The following ARHGEF3 variants were observed in gnomAD, a reference collection of about 807,000 sequenced individuals.
The protein encoded by ARHGEF3 is 59.8 kDA protein.
In ARHGEF3, 28 loss-of-function variants were observed where a neutral mutation model predicts 63.2. That is an observed-to-expected ratio of 0.44 (90% CI 0.33 to 0.61). ARHGEF3 has a LOEUF of 0.61. Ranked by LOEUF, ARHGEF3 falls within the 20% of genes least tolerant of loss-of-function variation. ARHGEF3 has a pLI of 0.03. For missense variants in ARHGEF3, 533 were observed against 659.3 expected, an observed-to-expected ratio of 0.81 and a Z score of 2.10; for synonymous variants, 266 against 254.2, an observed-to-expected ratio of 1.05 and a Z score of -0.44.
chr3:56,755,225 G>A (rs1478027720), intron 2 of ARHGEF3, 74 bp from the exon 3 acceptor site: 4 of 1,468,696 alleles, frequency 2.7e-6, no homozygotes, highest in East Asian at 4.5e-5. Context: ...GTTTCCTGTC[G>A]TTGACGGAAC....
At chr3:56,944,134 C>T (rs1253199874) in intron 3 of ARHGEF3, among the ~76,000 whole-genome samples, 1 of 152,168 alleles carries the variant, frequency 6.6e-6, no homozygotes, top group African/African-American at 2.4e-5. Flanking sequence ...AATCACTCCA[C>T]TGCACTCCAG....
intron 8 of ARHGEF3, among the ~76,000 whole-genome samples, chr3:56,733,554 T>G (rs1218550052): frequency 6.6e-6 from 1 of 152,082 alleles, no homozygotes. Flanking sequence ...AAAGCTAATA[T>G]TAATCTTTGC....
chr3:56,929,970 C>T (rs1207831234), intron 3 of ARHGEF3, among the ~76,000 whole-genome samples: 1 of 152,094 alleles, frequency 6.6e-6, no homozygotes, highest in African/African-American at 2.4e-5. Flanking sequence ...TCTCCCTCAC[C>T]GATGACCCTC....
intron 4 of ARHGEF3, among the ~76,000 whole-genome samples, chr3:56,873,573 G>A (rs2040498977): frequency 6.6e-6 from 1 of 152,034 alleles, no homozygotes. Context: ...CTTTTTTAAT[G>A]GCTACATAAA....
chr3:57,075,499 T>A (rs896110009), intron 1 of ARHGEF3: 1 of 143,468 alleles, frequency 7.0e-6, no homozygotes, highest in Non-Finnish European at 1.6e-5. Flanking sequence ...TCTTTTTTTT[T>A]CTTCTTTTTT....
chr3:56,728,963 T>C lies in ARHGEF3; in HGVS notation c.*307A>G, dbSNP rs1285423873. 2 of 274,836 alleles carry C rather than the reference T, an allele frequency of 7.3e-6. No homozygotes were observed. The highest frequency in any genetic ancestry group is 1.4e-5 in the Non-Finnish European group (2 of 146,194). The allele number at this position is 274,836 out of a possible 1,614,324, so 17.0% of individuals were successfully genotyped here. On this transcript the variant is annotated 3_prime_UTR_variant, in exon 10 of 10. Coordinates refer to ENST00000296315, the MANE Select transcript of ARHGEF3 (RefSeq NM_019555.3). ...AAACAATCTATGTAAAACAGTAGTT[T>C]TGAGATTCTTTTTCTATTTTTTTAA...
intron 7 of ARHGEF3, among the ~76,000 whole-genome samples, chr3:56,739,219 T>C (rs375420113): frequency 6.6e-6 from 1 of 152,274 alleles, no homozygotes; most frequent in African/African-American, 2.4e-5. Context: ...AACTGAAAAG[T>C]ACTTAACAGA....
chr3:57,043,825 G>A (rs926620334), intron 1 of ARHGEF3, among the ~76,000 whole-genome samples: 10 of 152,250 alleles, frequency 6.6e-5, no homozygotes, highest in African/African-American at 2.4e-4. Flanking sequence ...CATGACATGA[G>A]ATCATCCATG....
At chr3:56,940,452 C>T (rs1156420668) in intron 3 of ARHGEF3, 1 of 152,224 alleles carries the variant, frequency 6.6e-6, no homozygotes, top group African/African-American at 2.4e-5. Flanking sequence ...CACAAGCCTA[C>T]TGTTAACTCC....
chr3:57,002,117 G>A (rs1026860861), intron 2 of ARHGEF3, among the ~76,000 whole-genome samples: 1 of 151,378 alleles, frequency 6.6e-6, no homozygotes, highest in African/African-American at 2.4e-5. Context: ...TAGAGACAGG[G>A]TTTCACCATG....
intron 5 of ARHGEF3, 33 bp from the exon 6 acceptor site, chr3:56,751,165 G>A: frequency 6.2e-7 from 1 of 1,606,726 alleles, no homozygotes; most frequent in Non-Finnish European, 8.5e-7. Context: ...TTATTTGTTA[G>A]GCATTCAAAT....
At chr3:57,023,139 C>G (rs969278425) in intron 2 of ARHGEF3, among the ~76,000 whole-genome samples, 1 of 152,176 alleles carries the variant, frequency 6.6e-6, no homozygotes, top group African/African-American at 2.4e-5. Flanking sequence ...AAGGTAAGCT[C>G]CATCAGGGCA....
chr3:56,876,833 GA>G lies in ARHGEF3; in HGVS notation c.192+5458del, dbSNP rs2040600964. On this transcript the variant is annotated intron_variant, in intron 4 of 12. Coordinates refer to the ARHGEF3 transcript ENST00000338458. ...CACCAGCTCCATCCCCACCAGTCAA[GA>G]GAGGCGTGTGGGCCCTGTCAGGGGC... Among the ~76,000 whole-genome samples, 6 of 152,308 alleles carry G rather than the reference GA, an allele frequency of 3.9e-5. No homozygotes were observed. The South Asian group carries it at 1.2e-3, about 32-fold the overall frequency.
chr3:56,949,346 G>C (rs1699684887), intron 3 of ARHGEF3, among the ~76,000 whole-genome samples: 1 of 151,888 alleles, frequency 6.6e-6, no homozygotes, highest in African/African-American at 2.4e-5. Flanking sequence ...AATTGTCCCT[G>C]TTTGCAGATG....
At chr3:56,964,443 C>T (rs531666563) in intron 2 of ARHGEF3, among the ~76,000 whole-genome samples, 1 of 152,058 alleles carries the variant, frequency 6.6e-6, no homozygotes, top group Non-Finnish European at 1.5e-5. Context: ...TCCAGCAGTC[C>T]AGCTGAGAAT....
chr3:56,838,943 A>G (rs1442265951), intron 4 of ARHGEF3, among the ~76,000 whole-genome samples: 1 of 86,922 alleles, frequency 1.2e-5, no homozygotes, highest in Non-Finnish European at 2.4e-5. Context: ...CAGCCTAGGC[A>G]ACATAGTGAG....
At chr3:56,875,563 T>C (rs2040560056) in intron 4 of ARHGEF3, among the ~76,000 whole-genome samples, 2 of 152,208 alleles carry the variant, frequency 1.3e-5, no homozygotes, top group African/African-American at 4.8e-5. Flanking sequence ...CAGCCTTCTG[T>C]ACCCGAGTGA....
At chr3:57,048,317 C>A (rs979764325) in intron 1 of ARHGEF3, among the ~76,000 whole-genome samples, 8 of 152,208 alleles carry the variant, frequency 5.3e-5, no homozygotes, top group Non-Finnish European at 1.0e-4. Flanking sequence ...CATCAATTTC[C>A]ATTCTGCCAG....
At chr3:57,002,458 AGCAC>A (rs1339418391) in intron 2 of ARHGEF3, among the ~76,000 whole-genome samples, 21 of 14,780 alleles carry the variant, frequency 1.4e-3, no homozygotes, top group Middle Eastern at 0.077. Context: ...CACTGTTCTA[AGCAC>A]TATATATATA....
Sources: gnomAD v4.1 joint callset for allele counts (sites outside exome capture counted in the v4.1 genomes callset) on GRCh38, gnomAD v4.1.1 for gene constraint, MANE v1.5 for transcripts, NCBI Gene and HGNC (gene_info 2026-07-23, HGNC 2026-07-21) for gene names.